The following DEPDC5 variants were observed in gnomAD, a reference collection of about 807,000 sequenced individuals.
DEPDC5 encodes GATOR1 complex protein DEPDC5.
A neutral mutation model predicts 217.3 loss-of-function variants in DEPDC5; 73 were observed. The observed-to-expected ratio is 0.34, with a 90% CI of 0.28 to 0.41. The LOEUF (loss-of-function observed/expected upper bound fraction) is 0.41. Ranked by LOEUF, DEPDC5 falls within the 10% of genes least tolerant of loss-of-function variation. The pLI is 1.00. For synonymous variants in DEPDC5, 733 were observed against 756.7 expected (o/e 0.97, Z 0.51); for missense variants, 1,675 against 2,070.1 (o/e 0.81, Z 3.70).
intron 37 of DEPDC5, among the ~76,000 whole-genome samples, chr22:31,876,763 G>T (rs148928873): frequency 0.015 from 2,300 of 152,112 alleles, 19 homozygotes; most frequent in Middle Eastern, 0.031. Context: ...CTTTTGTTTG[G>T]TTTTTTTAAA....
chr22:31,791,203 T>G (rs548356272), intron 10 of DEPDC5, among the ~76,000 whole-genome samples: 1 of 152,100 alleles, frequency 6.6e-6, no homozygotes, highest in Non-Finnish European at 1.5e-5. Flanking sequence ...TAGATAACTT[T>G]CCTAAAGTCA....
chr22:31,873,262 C>A lies in DEPDC5; in HGVS notation c.3493C>A (p.Gln1165Lys), dbSNP rs763453401. The change falls in exon 35 of 43, where the codon CAG becomes AAG. Residue 1165 changes from glutamine (Q) to lysine (K), a missense_variant. Transcript: ENST00000651528. ...TGACACCCTGTGTTACAGCTCTCAG[C>A]AGCTGGTGGCAAGCTCCTTGACCTC... ...STNSSDSSSQ[Q>K]LVASSLTSSS... 1 of 1,614,086 alleles carries A rather than the reference C, an allele frequency of 6.2e-7. No individual in the cohort carries two copies. The highest frequency in any genetic ancestry group is 1.7e-5 in the Admixed American group (1 of 60,018).
At chr22:31,821,367 C>CCCGTGTATAATGTT in intron 22 of DEPDC5, 135 bp from the exon 23 acceptor site, 1 of 1,269,848 alleles carries the variant, frequency 7.9e-7, no homozygotes, top group Non-Finnish European at 1.1e-6. Context: ...TTGGGAGCCA[C>CCCGTGTATAATGTT]CCTCTGTGGT....
intron 31 of DEPDC5, among the ~76,000 whole-genome samples, chr22:31,856,538 A>G (rs2092310153): frequency 6.6e-6 from 1 of 152,244 alleles, no homozygotes; most frequent in Admixed American, 6.5e-5. Context: ...ATTTTAGAAC[A>G]GAAAAAAATT....
chr22:31,866,986 C>G (rs1471567722), intron 33 of DEPDC5, among the ~76,000 whole-genome samples: 1 of 152,206 alleles, frequency 6.6e-6, no homozygotes, highest in Non-Finnish European at 1.5e-5. Flanking sequence ...TTTTTATACT[C>G]CATTTATTGG....
At chr22:31,845,767 A>G (rs529896301) in intron 30 of DEPDC5, among the ~76,000 whole-genome samples, 78 of 149,280 alleles carry the variant, frequency 5.2e-4, no homozygotes, top group South Asian at 4.4e-3. Flanking sequence ...GTGTGTGTGT[A>G]TGTGTGTGTG....
At chr22:31,765,578 C>T (rs892628039) in intron 5 of DEPDC5, among the ~76,000 whole-genome samples, 6 of 152,092 alleles carry the variant, frequency 3.9e-5, no homozygotes, top group Admixed American at 2.0e-4. Context: ...TAGGAGCTAC[C>T]GCGTCCTGCC....
intron 17 of DEPDC5, among the ~76,000 whole-genome samples, chr22:31,805,690 G>A (rs1312362675): frequency 2.6e-5 from 4 of 152,028 alleles, no homozygotes; most frequent in Non-Finnish European, 5.9e-5. Flanking sequence ...TAGTAGAAAC[G>A]AGATTTCACT....
At chr22:31,891,240 T>G in intron 38 of DEPDC5, 3 of 566,628 alleles carry the variant, frequency 5.3e-6, no homozygotes, top group South Asian at 3.1e-5. Flanking sequence ...AATAACGTGT[T>G]CTAGTCCTTT....
chr22:31,879,877 C>T (rs2093127738), intron 38 of DEPDC5, 125 bp downstream of exon 38: 1 of 928,356 alleles, frequency 1.1e-6, no homozygotes, highest in Non-Finnish European at 1.6e-6. Context: ...TCACACAGGC[C>T]ACTGTGTCTG....
chr22:31,795,379 T>G (rs1452576286), intron 12 of DEPDC5, among the ~76,000 whole-genome samples: 3 of 151,410 alleles, frequency 2.0e-5, no homozygotes, highest in Non-Finnish European at 4.4e-5. Flanking sequence ...CTCCATGTGA[T>G]TTTTTTACAT....
At chr22:31,779,622 A>T (rs1331500731) in intron 8 of DEPDC5, among the ~76,000 whole-genome samples, 1 of 152,148 alleles carries the variant, frequency 6.6e-6, no homozygotes, top group Non-Finnish European at 1.5e-5. Flanking sequence ...GTGATACTTG[A>T]ATTATGCTTT....
intron 23 of DEPDC5, among the ~76,000 whole-genome samples, chr22:31,822,239 A>G (rs1003145478): frequency 1.3e-5 from 2 of 152,252 alleles, no homozygotes; most frequent in African/African-American, 4.8e-5. Flanking sequence ...CTGTTGCTTT[A>G]GAAAACACTT....
intron 33 of DEPDC5, among the ~76,000 whole-genome samples, chr22:31,861,774 C>T (rs919079272): frequency 1.3e-5 from 2 of 152,144 alleles, no homozygotes; most frequent in Admixed American, 6.5e-5. Context: ...TAGTTAAGGG[C>T]TGAACACTTA....
chr22:31,843,820 A>G lies in DEPDC5; in HGVS notation c.2801+8A>G, dbSNP rs370009456. 3.3e-4 allele frequency: 522 copies of G among 1,584,438 alleles called. No homozygotes were observed. In the African/African-American group the frequency reaches 6.6e-3, roughly 20 times the overall value. On this transcript the variant is annotated splice_region_variant and intron_variant, in intron 29 of 42. Transcript: ENST00000651528. Reference sequence around the variant, plus strand: ...CGGCTCTGAAGACTTCAGGTCAGAGAGTGGGCTTTGGATTTCCATCTTTGC... The same window carrying G: ...CGGCTCTGAAGACTTCAGGTCAGAGGGTGGGCTTTGGATTTCCATCTTTGC...
chr22:31,825,891 G>C (rs750913911), intron 24 of DEPDC5, among the ~76,000 whole-genome samples: 6 of 152,174 alleles, frequency 3.9e-5, no homozygotes, highest in Non-Finnish European at 7.3e-5. Context: ...AAGAGCGCAG[G>C]CTCCAGGATC....
rs1372222220 is a variant in DEPDC5, at chr22:31,784,003, T to C, written c.562+18T>C. 1 of 1,599,492 alleles carries C rather than the reference T, an allele frequency of 6.3e-7. No homozygotes were observed. On this transcript the variant is annotated intron_variant, in intron 9 of 42. Coordinates refer to ENST00000651528, the MANE Select transcript of DEPDC5 (RefSeq NM_001242896.3). ...TATTTATGGTACTGTGTCTATGTGC[T>C]GATTGTAACTGCTAAGGGGAGAATT...
chr22:31,790,486 C>T (rs2085487008), intron 10 of DEPDC5, among the ~76,000 whole-genome samples: 1 of 152,178 alleles, frequency 6.6e-6, no homozygotes, highest in South Asian at 2.1e-4. Flanking sequence ...AGTTCTTTGC[C>T]TTGGCTTATA....
intron 10 of DEPDC5, among the ~76,000 whole-genome samples, chr22:31,786,979 C>T (rs1198313840): frequency 1.3e-5 from 2 of 152,048 alleles, no homozygotes; most frequent in Admixed American, 6.6e-5. Flanking sequence ...AGGGTTTTAC[C>T]ATGTTGGCCA....
Sources: allele counts gnomAD v4.1 joint callset (sites outside exome capture counted in the v4.1 genomes callset), GRCh38; gene constraint gnomAD v4.1.1; transcripts MANE v1.5; gene names NCBI Gene and HGNC (gene_info 2026-07-23, HGNC 2026-07-21).